IL1RAPL1: variants seen among roughly 807,000 people sequenced by gnomAD.
IL1RAPL1 encodes interleukin-1 receptor accessory protein-like 1.
Under a neutral mutation model 48.4 loss-of-function variants are expected in IL1RAPL1, and 3 were observed. That is an observed-to-expected ratio of 0.06 (90% confidence interval 0.03 to 0.16). IL1RAPL1 has a LOEUF of 0.16. IL1RAPL1 is among the 10% of genes least tolerant of loss of function. The pLI is 1.00. For missense variants in IL1RAPL1, 349 were observed against 530.6 expected (o/e 0.66, Z 3.36); for synonymous variants, 185 against 187.7 (o/e 0.99, Z 0.12).
chrX:29,402,519 T>C (rs112608921), intron 5 of IL1RAPL1, among the ~76,000 whole-genome samples: 2,365 of 112,077 alleles, frequency 0.021, 70 homozygotes, highest in African/African-American at 0.073. Flanking sequence ...AGAACGGTTT[T>C]AGATTTACAG....
intron 2 of IL1RAPL1, among the ~76,000 whole-genome samples, chrX:28,894,985 T>C (rs28826293): frequency 0.41 from 45,147 of 108,902 alleles, 6,920 homozygotes; most frequent in Middle Eastern, 0.58. Context: ...CTGTGAAGCT[T>C]TGCGGCAGTA....
intron 6 of IL1RAPL1, among the ~76,000 whole-genome samples, chrX:29,760,874 A>G (rs1483657164): frequency 8.9e-6 from 1 of 112,255 alleles, no homozygotes; most frequent in Non-Finnish European, 1.9e-5. Context: ...CAGTCATTCA[A>G]CAATTTTTTT....
intron 5 of IL1RAPL1, among the ~76,000 whole-genome samples, chrX:29,472,920 C>A (rs1934936742): frequency 8.9e-6 from 1 of 112,226 alleles, no homozygotes. Flanking sequence ...GCCAGACACA[C>A]AGCTTCCCGG....
At chrX:28,984,315 G>A (rs1264266407) in intron 2 of IL1RAPL1, among the ~76,000 whole-genome samples, 1 of 111,506 alleles carries the variant, frequency 9.0e-6, no homozygotes, top group Non-Finnish European at 1.9e-5. Flanking sequence ...AAACTTTAGA[G>A]ACTTCCAGGC....
chrX:29,156,199 A>C (rs1300621644), intron 2 of IL1RAPL1, among the ~76,000 whole-genome samples: 1 of 111,330 alleles, frequency 9.0e-6, no homozygotes, highest in Non-Finnish European at 1.9e-5. Flanking sequence ...CCAAAGATGG[A>C]TTTTATTCCT....
chrX:29,821,884 G>A (rs1601839980), intron 6 of IL1RAPL1, among the ~76,000 whole-genome samples: 1 of 111,893 alleles, frequency 8.9e-6, no homozygotes, highest in East Asian at 2.8e-4. Context: ...ACAAACTTTC[G>A]TCTCTTGGAG....
intron 2 of IL1RAPL1, among the ~76,000 whole-genome samples, chrX:29,148,617 A>T (rs1024857227): frequency 2.7e-5 from 3 of 111,867 alleles, no homozygotes; most frequent in African/African-American, 9.7e-5. Context: ...AAACACTTTT[A>T]CTCTCTTAGC....
chrX:29,362,609 A>T lies in IL1RAPL1; in HGVS notation c.363-33649A>T, dbSNP rs888151776. ...CATGTGTGAAGCAATTTGATTCCCA[A>T]TTCTGAGGGTCTCCTGTAGGGGTGT... On this transcript the variant is annotated intron_variant, in intron 3 of 10. Transcript: ENST00000378993. 2.7e-5 allele frequency among the ~76,000 whole-genome samples: 3 copies of T among 111,713 alleles called. No individual in the cohort carries two copies. The East Asian group carries it at 8.4e-4, about 31-fold the overall frequency.
At chrX:29,161,721 G>A (rs1488353769) in intron 2 of IL1RAPL1, among the ~76,000 whole-genome samples, 1 of 112,100 alleles carries the variant, frequency 8.9e-6, no homozygotes, top group Non-Finnish European at 1.9e-5. Context: ...ATGCTGGCAA[G>A]GCTGTGGAGA....
rs200961219 is a variant in IL1RAPL1 at position 29,905,216 on chromosome X, GTTT to G, written c.779-12240_779-12238del. 2.7e-4 allele frequency among the ~76,000 whole-genome samples: 29 copies of G among 106,941 alleles called. No individual in the cohort carries two copies. The East Asian group carries it at 3.8e-3, about 14-fold the overall frequency. 92.9% of individuals were successfully genotyped at this position (106,941 alleles called of 115,157 possible). A position where few individuals can be genotyped will look rare whatever the true frequency, so the allele number is the denominator to read the frequency against. ...TATCCTTTGCCCACTTTTTGATGGGGTTTTTTTTTTCTTGTAAATTTGTTTAAG... is the reference window on the plus strand; with the variant it reads ...TATCCTTTGCCCACTTTTTGATGGGGTTTTTTTCTTGTAAATTTGTTTAAG... On this transcript the variant is annotated intron_variant, in intron 6 of 10. Coordinates refer to ENST00000378993, the MANE Select transcript of IL1RAPL1 (RefSeq NM_014271.4).
chrX:29,708,937 G>A (rs1295229841), intron 6 of IL1RAPL1, among the ~76,000 whole-genome samples: 1 of 111,688 alleles, frequency 9.0e-6, no homozygotes, highest in African/African-American at 3.3e-5. Flanking sequence ...TTATTCCATT[G>A]TGGTTTCAAT....
intron 1 of IL1RAPL1, among the ~76,000 whole-genome samples, chrX:28,765,322 G>T (rs894542934): frequency 7.2e-5 from 8 of 111,478 alleles, no homozygotes; most frequent in Non-Finnish European, 1.3e-4. Context: ...CTTAGGTTGT[G>T]TGCCTTGCAA....
chrX:28,664,442 C>T (rs975164488), intron 1 of IL1RAPL1, among the ~76,000 whole-genome samples: 7 of 111,958 alleles, frequency 6.3e-5, no homozygotes, highest in African/African-American at 2.3e-4. Flanking sequence ...GAAATATCTG[C>T]AGGGGGCTAT....
chrX:28,998,043 T>A (rs913328183), intron 2 of IL1RAPL1, among the ~76,000 whole-genome samples: 2 of 112,159 alleles, frequency 1.8e-5, no homozygotes, highest in African/African-American at 6.5e-5. Context: ...GGACGACTTT[T>A]CCCAGGCAAG....
chrX:29,584,753 C>G (rs1421892204), intron 5 of IL1RAPL1, among the ~76,000 whole-genome samples: 2 of 111,461 alleles, frequency 1.8e-5, no homozygotes, highest in Non-Finnish European at 3.8e-5. Context: ...TGGGGTCTCA[C>G]TATGTTGCCC....
At chrX:28,848,267 A>G (rs1921562984) in intron 2 of IL1RAPL1, among the ~76,000 whole-genome samples, 2 of 111,564 alleles carry the variant, frequency 1.8e-5, no homozygotes, top group Non-Finnish European at 3.8e-5. Flanking sequence ...CCACCATGGC[A>G]CATGTATACC....
chrX:28,795,320 A>G (rs960180853), intron 2 of IL1RAPL1, among the ~76,000 whole-genome samples: 1 of 111,906 alleles, frequency 8.9e-6, no homozygotes, highest in Non-Finnish European at 1.9e-5. Context: ...AACAAACAAA[A>G]TAAAATTAGC....
chrX:29,363,392 C>A (rs1435163929), intron 3 of IL1RAPL1, among the ~76,000 whole-genome samples: 2 of 111,533 alleles, frequency 1.8e-5, no homozygotes, highest in African/African-American at 6.5e-5. Context: ...CCAAACATAG[C>A]ACCTCAATCT....
intron 6 of IL1RAPL1, among the ~76,000 whole-genome samples, chrX:29,905,074 G>T (rs989808439): frequency 6.2e-5 from 7 of 112,290 alleles, no homozygotes; most frequent in African/African-American, 1.9e-4. Context: ...TCTGAATGGT[G>T]TGAGATGGTA....
Sources: allele counts gnomAD v4.1 joint callset (sites outside exome capture counted in the v4.1 genomes callset), GRCh38; gene constraint gnomAD v4.1.1; transcripts MANE v1.5; gene names NCBI Gene and HGNC (gene_info 2026-07-23, HGNC 2026-07-21).